PKN2: variants seen among roughly 807,000 people sequenced by gnomAD.
PKN2 encodes the protein protein kinase N2, also known as serine/threonine-protein kinase N2.
Under a neutral mutation model 119.1 loss-of-function variants are expected in PKN2, and 38 were observed. The observed-to-expected ratio is 0.32, with a 90% CI of 0.25 to 0.42. The LOEUF is 0.42. Among genes scored for constraint, PKN2 ranks in the 10% least tolerant of loss-of-function variants. The pLI is 1.00. For missense variants in PKN2, 850 were observed against 1,165.1 expected (o/e 0.73, Z 3.94); for synonymous variants, 390 against 384.9 (o/e 1.01, Z -0.15).
chr1:88,740,706 A>C (rs1033301283), intron 1 of PKN2, among the ~76,000 whole-genome samples: 1 of 152,126 alleles, frequency 6.6e-6, no homozygotes, highest in African/African-American at 2.4e-5. Context: ...AAAATCCGCT[A>C]TCTTTACACA....
intron 1 of PKN2, among the ~76,000 whole-genome samples, chr1:88,689,299 T>G (rs1344793704): frequency 6.6e-6 from 1 of 152,168 alleles, no homozygotes; most frequent in Non-Finnish European, 1.5e-5. Context: ...CACCTAAAAG[T>G]CCCATGGCTG....
intron 8 of PKN2, among the ~76,000 whole-genome samples, chr1:88,801,826 A>G (rs1257691788): frequency 2.0e-5 from 3 of 152,238 alleles, no homozygotes; most frequent in African/African-American, 4.8e-5. Flanking sequence ...AAGCAGACAT[A>G]TATATCCCTT....
rs561630868 is a variant in PKN2 at position 88,722,162 on chromosome 1, T to G, written c.49-18826T>G. On this transcript the variant is annotated intron_variant, in intron 1 of 21. Coordinates refer to ENST00000370521, the MANE Select transcript of PKN2 (RefSeq NM_006256.4). ...TTATTTCTGTTTCAAGCACATAAGA[T>G]TATAAGAATGTGGAATGTGCAGATA... Among the ~76,000 whole-genome samples, 5 of 152,322 alleles carry G rather than the reference T, an allele frequency of 3.3e-5. No homozygotes were observed. The South Asian group carries it at 1.0e-3, about 32-fold the overall frequency.
chr1:88,728,492 A>G (rs1361669518), intron 1 of PKN2, among the ~76,000 whole-genome samples: 2 of 151,972 alleles, frequency 1.3e-5, no homozygotes, highest in East Asian at 3.9e-4. Context: ...CTCACTAGAC[A>G]TACACTCCTG....
intron 6 of PKN2, among the ~76,000 whole-genome samples, chr1:88,784,178 C>T (rs578106569): frequency 3.0e-4 from 37 of 125,230 alleles, no homozygotes; most frequent in African/African-American, 1.1e-3. Flanking sequence ...TGGTGGAATG[C>T]AGTGGTGCAA....
At chr1:88,764,635 A>G (rs1052910410) in intron 3 of PKN2, among the ~76,000 whole-genome samples, 9 of 151,888 alleles carry the variant, frequency 5.9e-5, no homozygotes, top group East Asian at 3.9e-4. Context: ...TAATTTACAC[A>G]TTGTTCTTTT....
At chr1:88,767,773 AT>A (rs1669723793) in intron 3 of PKN2, among the ~76,000 whole-genome samples, 1 of 152,108 alleles carries the variant, frequency 6.6e-6, no homozygotes. Context: ...ATATGCAATT[AT>A]TTTTTCCTCC....
rs774621773 is a variant in PKN2 at position 88,695,961 on chromosome 1, TCA to T, written c.48+11334_48+11335del. Among the ~76,000 whole-genome samples the T allele has an allele frequency of 2.9e-3, 446 of 152,336 alleles. 11 individuals are homozygous for T. Among genetic ancestry groups the T allele is most frequent in the Non-Finnish European group, 1.4e-3 (98 of 68,018 alleles). ...AGCTTACTCATATATGACTTCTGTC[TCA>T]GTTATTCTGTTGAAGTGGTTTTCTT... On this transcript the variant is annotated intron_variant, in intron 1 of 21. Coordinates refer to ENST00000370521, the MANE Select transcript of PKN2 (RefSeq NM_006256.4).
intron 6 of PKN2, among the ~76,000 whole-genome samples, chr1:88,775,612 G>T (rs1249556265): frequency 6.6e-6 from 1 of 152,096 alleles, no homozygotes; most frequent in East Asian, 1.9e-4. Context: ...TTACCCCAAT[G>T]ATTATAACTA....
intron 1 of PKN2, among the ~76,000 whole-genome samples, chr1:88,724,595 G>A (rs305225): frequency 0.012 from 1,710 of 147,480 alleles, 29 homozygotes; most frequent in African/African-American, 0.04. Context: ...TTTTTGAGAC[G>A]GAGTCTTGCT....
chr1:88,786,365 C>T, intron 8 of PKN2, 152 bp downstream of exon 8: 1 of 539,414 alleles, frequency 1.9e-6, no homozygotes, highest in South Asian at 2.7e-5. Context: ...ATGAGTTATG[C>T]ATAAATCTAC....
intron 2 of PKN2, among the ~76,000 whole-genome samples, chr1:88,744,046 T>A (rs1668674840): frequency 6.6e-6 from 1 of 152,194 alleles, no homozygotes; most frequent in African/African-American, 2.4e-5. Context: ...CACAACTTGG[T>A]AATAAGTCAT....
rs751186018 is a variant in PKN2, at chr1:88,807,453, A to G, written c.1934+10A>G. The G allele has an allele frequency of 1.9e-6, 3 of 1,607,502 alleles. No individual in the cohort carries two copies. The highest frequency in any genetic ancestry group is 2.2e-5 in the East Asian group (1 of 44,748). On this transcript the variant is annotated intron_variant, in intron 13 of 21. Transcript: ENST00000370521. Reference sequence around the variant, plus strand: ...AACTTGAGGACAGAAGGTAAAGAATATATACCAAATTTTGCGACTACATGT... The same window carrying G: ...AACTTGAGGACAGAAGGTAAAGAATGTATACCAAATTTTGCGACTACATGT...
At chr1:88,764,902 TTTG>T (rs1669597050) in intron 3 of PKN2, among the ~76,000 whole-genome samples, 1 of 151,992 alleles carries the variant, frequency 6.6e-6, no homozygotes, top group African/African-American at 2.4e-5. Flanking sequence ...CCTCCTGTTT[TTTG>T]TTGTTATTGT....
chr1:88,805,836 T>C (rs750792021), intron 11 of PKN2, 55 bp from the exon 12 acceptor site: 254 of 1,609,688 alleles, frequency 1.6e-4, no homozygotes, highest in Non-Finnish European at 2.1e-4. Flanking sequence ...TTTAAAGCTG[T>C]TTAAAATACA....
chr1:88,707,961 C>A (rs1447575327), intron 1 of PKN2, among the ~76,000 whole-genome samples: 1 of 152,028 alleles, frequency 6.6e-6, no homozygotes, highest in East Asian at 1.9e-4. Context: ...TCTTTCCATG[C>A]ATTTTTATTT....
chr1:88,735,457 T>A (rs1668300226), intron 1 of PKN2, among the ~76,000 whole-genome samples: 1 of 116,738 alleles, frequency 8.6e-6, no homozygotes, highest in South Asian at 3.7e-4. Context: ...CCATTGTTCC[T>A]GGCCTATTTT....
At chr1:88,705,647 G>C (rs998165555) in intron 1 of PKN2, among the ~76,000 whole-genome samples, 1 of 152,016 alleles carries the variant, frequency 6.6e-6, no homozygotes, top group Non-Finnish European at 1.5e-5. Flanking sequence ...GCAGTGAGCC[G>C]AGATTGTGCC....
In PKN2 at chr1:88,784,723, C is replaced by G. The variant is rs1246895158; in HGVS notation, c.1070C>G (p.Pro357Arg). 1.9e-6 allele frequency: 3 copies of G among 1,612,040 alleles called. No individual in the cohort carries two copies. The highest frequency in any genetic ancestry group is 2.5e-6 in the Non-Finnish European group (3 of 1,178,576). Reference sequence around the variant, plus strand: ...TCAAAAGCAACATCAGTTGCACTGCCTGGTTGGAGTCCAAGTGAAACCAGA... The same window carrying G: ...TCAAAAGCAACATCAGTTGCACTGCGTGGTTGGAGTCCAAGTGAAACCAGA... ...GRSKATSVAL[P>R]GWSPSETRSS... The change falls in exon 7 of 22, where the codon CCT (proline) becomes CGT (arginine). Residue 357 changes from proline to arginine, a missense_variant. This residue lies in a region of PKN2 where 350 missense variants were observed against 511.1 expected (regional missense o/e 0.68). Coordinates refer to ENST00000370521, the MANE Select transcript of PKN2 (RefSeq NM_006256.4).
Sources: allele counts gnomAD v4.1 joint callset (sites outside exome capture counted in the v4.1 genomes callset), GRCh38; gene constraint gnomAD v4.1.1; regional missense constraint gnomAD v4.1.1; transcripts MANE v1.5; gene names NCBI Gene and HGNC (gene_info 2026-07-23, HGNC 2026-07-21).